KIF1B: variants seen among roughly 807,000 people sequenced by gnomAD.
KIF1B encodes kinesin-like protein KIF1B.
A neutral mutation model predicts 241.9 loss-of-function variants in KIF1B; 76 were observed. That is an observed-to-expected ratio of 0.31 (90% CI 0.26 to 0.38). The LOEUF is 0.38. Among genes scored for constraint, KIF1B ranks in the 10% least tolerant of loss-of-function variants. The pLI, the probability that KIF1B is intolerant of heterozygous loss-of-function variation, is 1.00. For synonymous variants in KIF1B, 750 were observed against 796.7 expected (o/e 0.94, Z 0.99); for missense variants, 1,622 against 2,271.4 (o/e 0.71, Z 5.81).
intron 22 of KIF1B, chr1:10,304,585 C>A: frequency 6.2e-7 from 1 of 1,614,106 alleles, no homozygotes; most frequent in South Asian, 1.1e-5. Context: ...TGTGACACCT[C>A]CGCGGATGAG....
intron 1 of KIF1B, among the ~76,000 whole-genome samples, chr1:10,224,652 G>A: frequency 6.6e-6 from 1 of 152,034 alleles, no homozygotes; most frequent in East Asian, 1.9e-4. Flanking sequence ...TTGAACTTCT[G>A]GCCTCAAGCA....
At chr1:10,285,556 C>G (rs1022461935) in intron 15 of KIF1B, among the ~76,000 whole-genome samples, 1 of 152,194 alleles carries the variant, frequency 6.6e-6, no homozygotes, top group Non-Finnish European at 1.5e-5. Context: ...TTCTTCCTTA[C>G]GCCAAAATAA....
At chr1:10,361,175 T>A in intron 39 of KIF1B, 132 bp downstream of exon 39, 1 of 722,566 alleles carries the variant, frequency 1.4e-6, no homozygotes, top group Non-Finnish European at 2.5e-6. Flanking sequence ...AAGTTTTTCA[T>A]TTTATTATAC....
At chr1:10,372,656 TGACAGAG>T (rs1370034111) in intron 45 of KIF1B, among the ~76,000 whole-genome samples, 1 of 113,918 alleles carries the variant, frequency 8.8e-6, no homozygotes, top group East Asian at 3.3e-4. Context: ...CCAGCTTGGG[TGACAGAG>T]CTGTCACCCA....
intron 22 of KIF1B, among the ~76,000 whole-genome samples, chr1:10,319,132 T>C (rs1288281090): frequency 1.3e-5 from 2 of 148,810 alleles, no homozygotes. Context: ...AGACAGAGTC[T>C]CGCTCTGTCT....
intron 1 of KIF1B, among the ~76,000 whole-genome samples, chr1:10,220,371 A>AATAG (rs1553160021): frequency 0.14 from 20,300 of 142,828 alleles, 1,607 homozygotes; most frequent in Admixed American, 0.17. Flanking sequence ...ACCCTGTTTC[A>AATAG]ATAGATAGAT....
chr1:10,235,728 G>A (rs1647041279), intron 2 of KIF1B, among the ~76,000 whole-genome samples: 1 of 152,022 alleles, frequency 6.6e-6, no homozygotes, highest in Non-Finnish European at 1.5e-5. Context: ...TGGGCGTGGT[G>A]GAGTGTGCCT....
chr1:10,368,598 C>T (rs1452180412), intron 44 of KIF1B, 60 bp downstream of exon 44: 1 of 1,403,194 alleles, frequency 7.1e-7, no homozygotes, highest in Non-Finnish European at 1.0e-6. Context: ...TCCACAGCAG[C>T]CCAGATTACC....
intron 15 of KIF1B, among the ~76,000 whole-genome samples, chr1:10,287,679 A>G (rs1649783174): frequency 6.6e-6 from 1 of 152,208 alleles, no homozygotes; most frequent in African/African-American, 2.4e-5. Flanking sequence ...TTCAGTTGGT[A>G]AGTAAAATTA....
chr1:10,314,479 GCA>G (rs924873776), intron 22 of KIF1B, among the ~76,000 whole-genome samples: 1 of 151,412 alleles, frequency 6.6e-6, no homozygotes, highest in Non-Finnish European at 1.5e-5. Flanking sequence ...GAGTGGAGTG[GCA>G]CAGTCTTGGC....
chr1:10,371,085 T>G, intron 44 of KIF1B, 56 bp from the exon 45 acceptor site: 1 of 1,612,610 alleles, frequency 6.2e-7, no homozygotes, highest in South Asian at 1.1e-5. Context: ...CTATTGTTAC[T>G]GTAGAGGCAG....
intron 17 of KIF1B, 97 bp from the exon 18 acceptor site, chr1:10,294,989 G>T: frequency 1.2e-6 from 1 of 817,286 alleles, no homozygotes. Context: ...AGGCTCTGTG[G>T]AGAGTTGGAG....
At chr1:10,304,239 T>A (rs773204166) in intron 22 of KIF1B, 6 of 1,614,102 alleles carry the variant, frequency 3.7e-6, no homozygotes, top group Non-Finnish European at 5.1e-6. Context: ...ATCCCCAGTT[T>A]CCATGGGGCT....
At chr1:10,298,028 A>G (rs1650355259) in intron 22 of KIF1B, among the ~76,000 whole-genome samples, 1 of 152,372 alleles carries the variant, frequency 6.6e-6, no homozygotes, top group Non-Finnish European at 1.5e-5. Context: ...AAGTTGATCC[A>G]TTAGTTAGAT....
intron 12 of KIF1B, 92 bp downstream of exon 12, chr1:10,276,491 GTTAT>G (rs1353776452): frequency 7.3e-6 from 6 of 824,150 alleles, no homozygotes; most frequent in East Asian, 2.6e-5. Context: ...TATCTGGGTA[GTTAT>G]TTATGTAAAT....
chr1:10,232,553 T>A (rs1646996666), intron 2 of KIF1B, 119 bp downstream of exon 2: 1 of 738,316 alleles, frequency 1.4e-6, no homozygotes, highest in Non-Finnish European at 2.4e-6. Flanking sequence ...ACTTTGCTAT[T>A]CTGAATGATC....
In KIF1B at chr1:10,378,653, C is replaced by T. The variant is rs1270823113; in HGVS notation, c.*2066C>T. On this transcript the variant is annotated 3_prime_UTR_variant, in exon 49 of 49. Coordinates refer to ENST00000676179, the MANE Select transcript of KIF1B (RefSeq NM_001365951.3). The stretch of plus-strand genomic sequence containing the variant: ...ACGCAGCAAAGGCCAGGGGCTTGCG[C>T]GCCTCTGCAGAGTTGTTGCTAGGGA... 15 of 544,324 alleles carry T rather than the reference C, an allele frequency of 2.8e-5. No individual in the cohort carries two copies. The highest frequency in any genetic ancestry group is 3.3e-5 in the Non-Finnish European group (10 of 303,216). 33.7% of individuals were successfully genotyped at this position (544,324 alleles called of 1,614,324 possible).
At chr1:10,306,071 A>C (rs1650815280) in intron 22 of KIF1B, 1 of 1,044,988 alleles carries the variant, frequency 9.6e-7, no homozygotes. Flanking sequence ...GCTTTATTAG[A>C]ACACATTATT....
chr1:10,301,055 T>C (rs1650517176), intron 22 of KIF1B, among the ~76,000 whole-genome samples: 1 of 152,190 alleles, frequency 6.6e-6, no homozygotes, highest in African/African-American at 2.4e-5. Context: ...TTTGGTTTTG[T>C]CAGGTGTGAT....
Sources: allele counts gnomAD v4.1 joint callset (sites outside exome capture counted in the v4.1 genomes callset), GRCh38; gene constraint gnomAD v4.1.1; transcripts MANE v1.5; gene names NCBI Gene and HGNC (gene_info 2026-07-23, HGNC 2026-07-21).